The following RPS6KC1 variants were observed in gnomAD, a reference collection of about 807,000 sequenced individuals.
RPS6KC1 encodes the protein inactive ribosomal protein S6 kinase delta-1.
A neutral mutation model predicts 103.8 loss-of-function variants in RPS6KC1; 54 were observed. The observed-to-expected ratio is 0.52, with a 90% CI of 0.42 to 0.65. RPS6KC1 has a LOEUF of 0.65. RPS6KC1 is among the 30% of genes least tolerant of loss of function. The pLI is 0.00. For missense variants in RPS6KC1, 1,151 were observed against 1,253.8 expected, an observed-to-expected ratio of 0.92 and a Z score of 1.24; for synonymous variants, 439 against 438.7, an observed-to-expected ratio of 1.00 and a Z score of -0.01.
the RPS6KC1 span, among the ~76,000 whole-genome samples, chr1:213,782,067 A>C: frequency 1.3e-5 from 2 of 152,192 alleles, no homozygotes; most frequent in Non-Finnish European, 2.9e-5. Context: ...GGGTATATCA[A>C]ACATGATGGG....
At chr1:213,163,056 A>G (rs889996293) in intron 6 of RPS6KC1, among the ~76,000 whole-genome samples, 1 of 152,224 alleles carries the variant, frequency 6.6e-6, no homozygotes, top group Non-Finnish European at 1.5e-5. Flanking sequence ...AACACTTAGC[A>G]TAAGGCAGAA....
the RPS6KC1 span, chr1:213,817,946 C>T: frequency 4.6e-5 from 7 of 152,160 alleles, no homozygotes; most frequent in Admixed American, 2.0e-4. Flanking sequence ...CAAACTTTTT[C>T]GTGATTACTG....
At chr1:213,172,481 C>G (rs1480399346) in intron 7 of RPS6KC1, among the ~76,000 whole-genome samples, 4 of 152,140 alleles carry the variant, frequency 2.6e-5, no homozygotes, top group Non-Finnish European at 5.9e-5. Context: ...TGTGGTGGCA[C>G]ATGCCAGTAA....
chr1:213,406,327 T>G, the RPS6KC1 span, among the ~76,000 whole-genome samples: 40 of 152,374 alleles, frequency 2.6e-4, no homozygotes, highest in African/African-American at 9.4e-4. Context: ...TTGCTCAGTT[T>G]ATTTTTCAGT....
intron 6 of RPS6KC1, among the ~76,000 whole-genome samples, chr1:213,145,648 G>A (rs560560344): frequency 6.6e-6 from 1 of 152,128 alleles, no homozygotes; most frequent in East Asian, 1.9e-4. Flanking sequence ...ATACATAGAA[G>A]GAGTAATAGT....
the RPS6KC1 span, among the ~76,000 whole-genome samples, chr1:213,345,180 C>T: frequency 2.0e-5 from 3 of 152,150 alleles, no homozygotes; most frequent in South Asian, 6.2e-4. Flanking sequence ...ATATAATCTA[C>T]ATTCATAAAT....
the RPS6KC1 span, among the ~76,000 whole-genome samples, chr1:213,650,972 A>G: frequency 0.034 from 4,916 of 146,722 alleles, 328 homozygotes; most frequent in African/African-American, 0.12. Context: ...GAGAGAGAGA[A>G]AACGTGTTGG....
At chr1:213,323,822 C>G in the RPS6KC1 span, among the ~76,000 whole-genome samples, 1 of 152,120 alleles carries the variant, frequency 6.6e-6, no homozygotes, top group Non-Finnish European at 1.5e-5. Flanking sequence ...ATATCCCCCA[C>G]CAGAGTGATA....
At chr1:213,406,207 G>A in the RPS6KC1 span, among the ~76,000 whole-genome samples, 1,524 of 152,326 alleles carry the variant, frequency 0.01, 8 homozygotes, top group Non-Finnish European at 0.016. Context: ...GAATGTTTAG[G>A]AGTCTGGTGA....
At chr1:213,250,376 T>C (rs968135770) in intron 12 of RPS6KC1, among the ~76,000 whole-genome samples, 1 of 152,164 alleles carries the variant, frequency 6.6e-6, no homozygotes, top group Non-Finnish European at 1.5e-5. Flanking sequence ...TGTACCCTGC[T>C]CAACAAATAC....
the RPS6KC1 span, among the ~76,000 whole-genome samples, chr1:213,403,893 C>T: frequency 0.57 from 86,566 of 151,966 alleles, 28,084 homozygotes; most frequent in East Asian, 0.96. Flanking sequence ...GAGGAGGGAG[C>T]TCCCTTCTGC....
chr1:213,523,121 A>G, the RPS6KC1 span, among the ~76,000 whole-genome samples: 12 of 152,210 alleles, frequency 7.9e-5, no homozygotes, highest in Non-Finnish European at 1.6e-4. Context: ...TAATTGGCCT[A>G]ATTTCAATAT....
the RPS6KC1 span, among the ~76,000 whole-genome samples, chr1:213,691,085 C>T: frequency 5.9e-5 from 9 of 152,152 alleles, no homozygotes; most frequent in Non-Finnish European, 1.0e-4. Context: ...ACAAACTGAG[C>T]CTGCAAGCTC....
the RPS6KC1 span, among the ~76,000 whole-genome samples, chr1:213,427,419 C>G: frequency 6.6e-6 from 1 of 152,078 alleles, no homozygotes; most frequent in African/African-American, 2.4e-5. Flanking sequence ...TGATCTTTTC[C>G]TTTTTGCTTT....
the RPS6KC1 span, among the ~76,000 whole-genome samples, chr1:213,417,733 A>G: frequency 2.6e-4 from 39 of 152,312 alleles, no homozygotes; most frequent in African/African-American, 9.1e-4. Flanking sequence ...AGCCAGGACT[A>G]GGGAGAAGTC....
chr1:213,230,463 T>C (rs779831634), intron 8 of RPS6KC1, 34 bp from the exon 9 acceptor site: 2 of 1,483,194 alleles, frequency 1.3e-6, no homozygotes, highest in Non-Finnish European at 1.9e-6. Flanking sequence ...TTCATTGTAT[T>C]GTTAATAAAT....
At chr1:213,066,970 A>ATAAC (rs1179300890) in intron 1 of RPS6KC1, among the ~76,000 whole-genome samples, 3 of 152,200 alleles carry the variant, frequency 2.0e-5, no homozygotes, top group Non-Finnish European at 2.9e-5. Flanking sequence ...GCTCACTGAG[A>ATAAC]TAACCATTAA....
chr1:213,539,489 G>C, the RPS6KC1 span, among the ~76,000 whole-genome samples: 1 of 152,160 alleles, frequency 6.6e-6, no homozygotes, highest in African/African-American at 2.4e-5. Flanking sequence ...TTCTTTCTGT[G>C]GGTCCTGCTC....
chr1:213,404,705 G>T, the RPS6KC1 span, among the ~76,000 whole-genome samples: 30 of 152,320 alleles, frequency 2.0e-4, no homozygotes, highest in African/African-American at 6.3e-4. Context: ...TATTTCAAGG[G>T]ATTTAAAGGT....
Sources: allele counts gnomAD v4.1 joint callset (sites outside exome capture counted in the v4.1 genomes callset), GRCh38; gene constraint gnomAD v4.1.1; transcripts MANE v1.5; gene names NCBI Gene and HGNC (gene_info 2026-07-23, HGNC 2026-07-21).